The following CCDC85A variants were observed in gnomAD, a reference collection of about 807,000 sequenced individuals.
CCDC85A encodes the protein coiled-coil domain-containing protein 85A.
Under a neutral mutation model 50.2 loss-of-function variants are expected in CCDC85A, and 38 were observed. That is an observed-to-expected ratio of 0.76 (90% CI 0.58 to 0.99). The LOEUF (loss-of-function observed/expected upper bound fraction) is 0.99. Among genes scored for constraint, CCDC85A ranks in the 50% least tolerant of loss-of-function variants. The probability of loss-of-function intolerance (pLI) is 0.00; values close to 1 mark genes in which losing one functional copy is unlikely to be tolerated. For synonymous variants in CCDC85A, 366 were observed against 301.4 expected (o/e 1.21, Z -2.22); for missense variants, 820 against 742.0 (o/e 1.11, Z -1.22).
intron 3 of CCDC85A, among the ~76,000 whole-genome samples, chr2:56,347,658 A>C (rs1360256447): frequency 6.6e-6 from 1 of 152,184 alleles, no homozygotes; most frequent in Non-Finnish European, 1.5e-5. Context: ...CCCTGCATGG[A>C]AAATTTATGC....
At chr2:56,337,144 A>T (rs561727291) in intron 2 of CCDC85A, among the ~76,000 whole-genome samples, 1 of 152,318 alleles carries the variant, frequency 6.6e-6, no homozygotes, top group East Asian at 1.9e-4. Flanking sequence ...AATTTAGAAG[A>T]TGCGGAATTT....
rs565516168 is a variant in CCDC85A at position 56,254,609 on chromosome 2, GCATGGTGTCCCTGATCTCATGGAGCC to G, written c.1240+61175_1240+61200del. Among the ~76,000 whole-genome samples the G allele has an allele frequency of 3.3e-3, 497 of 152,198 alleles. 4 individuals carry two copies. Among genetic ancestry groups the G allele is most frequent in the African/African-American group, 0.011 (473 of 41,520 alleles). ...GGGTTTTAATGGTGAACTAAAATACGCATGGTGTCCCTGATCTCATGGAGCCCATGGCTAGAAGAGGAGATGGACAT... is the reference window on the plus strand; with the variant it reads ...GGGTTTTAATGGTGAACTAAAATACGCATGGCTAGAAGAGGAGATGGACAT... On this transcript the variant is annotated intron_variant, in intron 2 of 5. Coordinates refer to ENST00000407595, the MANE Select transcript of CCDC85A (RefSeq NM_001080433.2).
chr2:56,254,095 C>A (rs1379850981), intron 2 of CCDC85A, among the ~76,000 whole-genome samples: 4 of 152,132 alleles, frequency 2.6e-5, no homozygotes, highest in Non-Finnish European at 5.9e-5. Flanking sequence ...TGCACATACA[C>A]ATATATATGT....
chr2:56,306,588 A>G (rs1672458528), intron 2 of CCDC85A, among the ~76,000 whole-genome samples: 1 of 152,242 alleles, frequency 6.6e-6, no homozygotes, highest in Non-Finnish European at 1.5e-5. Flanking sequence ...GTATGGTTGT[A>G]TAAGCAGTTA....
chr2:56,193,398 G>T lies in CCDC85A; in HGVS notation c.1198G>T (p.Asp400Tyr), dbSNP rs745840613. Residue 400 changes from aspartate (D) to tyrosine (Y), a missense_variant, in exon 2 of 6, where the codon GAC becomes TAC. By Grantham distance (160) the Asp-to-Tyr change is radical (BLOSUM62 -3). Coordinates refer to ENST00000407595, the MANE Select transcript of CCDC85A (RefSeq NM_001080433.2). Reference protein sequence around the residue: ...EGTLRRQAQEDGSPHHRNVYS... With the variant: ...EGTLRRQAQEYGSPHHRNVYS... ...CACCCTCAGACGGCAGGCACAGGAG[G>T]ACGGGTCACCCCATCACCGGAATGT... is the stretch of plus-strand genomic sequence containing the variant. 1 of 1,611,086 alleles carries T rather than the reference G, an allele frequency of 6.2e-7. No homozygotes were observed. The highest frequency in any genetic ancestry group is 1.1e-5 in the South Asian group (1 of 90,452).
intron 2 of CCDC85A, among the ~76,000 whole-genome samples, chr2:56,307,953 A>G (rs1388319653): frequency 2.6e-5 from 4 of 152,238 alleles, no homozygotes; most frequent in Non-Finnish European, 5.9e-5. Context: ...CTATGATGAC[A>G]TATTTTCAAC....
chr2:56,233,148 A>C (rs1221770129), intron 2 of CCDC85A, among the ~76,000 whole-genome samples: 1 of 152,176 alleles, frequency 6.6e-6, no homozygotes. Flanking sequence ...TCACTTCTTC[A>C]GAAAGCACCA....
chr2:56,299,826 T>C (rs1672120220), intron 2 of CCDC85A, among the ~76,000 whole-genome samples: 1 of 152,212 alleles, frequency 6.6e-6, no homozygotes, highest in African/African-American at 2.4e-5. Context: ...AGCTGGTGCT[T>C]ACCTTCCCCT....
In CCDC85A at chr2:56,302,976, G is replaced by C. The variant is rs369798754; in HGVS notation, c.1241-39903G>C. On this transcript the variant is annotated intron_variant, in intron 2 of 5. Transcript: ENST00000407595. ...AAGTGGGGGGAAGTTAAGTCCTGTG[G>C]TGTGCTCAGTGTCATGCCTGGCTCC... Among the ~76,000 whole-genome samples, 18 of 152,246 alleles carry C rather than the reference G, an allele frequency of 1.2e-4. No individual in the cohort carries two copies. The South Asian group carries it at 1.9e-3, about 16-fold the overall frequency.
chr2:56,285,560 A>T lies in CCDC85A; in HGVS notation c.1241-57319A>T, dbSNP rs1671405561. The stretch of plus-strand genomic sequence containing the variant: ...TTATTTATATATAATATAACATAAT[A>T]TATAATATAATATAATTAATAATAT... On this transcript the variant is annotated intron_variant, in intron 2 of 5. Transcript: ENST00000407595. Among the ~76,000 whole-genome samples the T allele has an allele frequency of 4.1e-5, 6 of 145,534 alleles. No homozygotes were observed. In the Admixed American group the frequency reaches 4.2e-4, roughly 10 times the overall value.
At chr2:56,378,050 G>A (rs1676421285) in intron 5 of CCDC85A, among the ~76,000 whole-genome samples, 1 of 152,140 alleles carries the variant, frequency 6.6e-6, no homozygotes, top group African/African-American at 2.4e-5. Flanking sequence ...TTACTTCCAT[G>A]AGTTAACTGT....
At chr2:56,383,747 C>A in intron 5 of CCDC85A, 1 of 985,048 alleles carries the variant, frequency 1.0e-6, no homozygotes, top group Non-Finnish European at 1.2e-6. Flanking sequence ...AGCTCAATAA[C>A]AAAAGCTCCT....
intron 2 of CCDC85A, among the ~76,000 whole-genome samples, chr2:56,225,989 A>C (rs1317896394): frequency 6.6e-6 from 1 of 152,190 alleles, no homozygotes; most frequent in Non-Finnish European, 1.5e-5. Context: ...TTCCTGCTCA[A>C]CACATTGGAA....
At chr2:56,222,445 A>G (rs1161966593) in intron 2 of CCDC85A, among the ~76,000 whole-genome samples, 2 of 152,136 alleles carry the variant, frequency 1.3e-5, no homozygotes, top group African/African-American at 4.8e-5. Flanking sequence ...TCTGAAATAC[A>G]AAAGCTTCCT....
chr2:56,196,851 G>A (rs1401094834), intron 2 of CCDC85A, among the ~76,000 whole-genome samples: 2 of 148,430 alleles, frequency 1.3e-5, no homozygotes, highest in African/African-American at 2.5e-5. Flanking sequence ...CGAAGAAATG[G>A]TACTCTTCAT....
chr2:56,215,171 G>C (rs991271562), intron 2 of CCDC85A, among the ~76,000 whole-genome samples: 4 of 151,828 alleles, frequency 2.6e-5, no homozygotes, highest in African/African-American at 4.8e-5. Flanking sequence ...AATTCCAGTT[G>C]TTTGTTGCTG....
At chr2:56,247,677 A>C (rs10177720) in intron 2 of CCDC85A, among the ~76,000 whole-genome samples, 405 of 152,360 alleles carry the variant, frequency 2.7e-3, no homozygotes, top group African/African-American at 9.2e-3. Flanking sequence ...GAAATGGAAA[A>C]GACTAGGCCA....
At chr2:56,372,787 C>T (rs1676142502) in intron 4 of CCDC85A, among the ~76,000 whole-genome samples, 1 of 152,174 alleles carries the variant, frequency 6.6e-6, no homozygotes, top group African/African-American at 2.4e-5. Context: ...TGTCTCTAGA[C>T]AAGCTCAGAA....
chr2:56,253,341 G>C (rs1332105723), intron 2 of CCDC85A, among the ~76,000 whole-genome samples: 1 of 152,158 alleles, frequency 6.6e-6, no homozygotes, highest in African/African-American at 2.4e-5. Context: ...AGAATGAGTA[G>C]GACAGGAGCT....
Sources: allele counts gnomAD v4.1 joint callset (sites outside exome capture counted in the v4.1 genomes callset), GRCh38; gene constraint gnomAD v4.1.1; transcripts MANE v1.5; gene names NCBI Gene and HGNC (gene_info 2026-07-23, HGNC 2026-07-21).